The following PSEN1 variants were observed in gnomAD, a reference collection of about 807,000 sequenced individuals.
The protein encoded by PSEN1 is presenilin 1.
Under a neutral mutation model 53.5 loss-of-function variants are expected in PSEN1, and 15 were observed. The observed-to-expected ratio is 0.28, with a 90% CI of 0.19 to 0.43. The LOEUF (loss-of-function observed/expected upper bound fraction) is 0.43. PSEN1 is among the 20% of genes least tolerant of loss of function. The pLI is 1.00. For missense variants in PSEN1, 387 were observed against 571.2 expected, an observed-to-expected ratio of 0.68 and a Z score of 3.29; for synonymous variants, 208 against 209.8, an observed-to-expected ratio of 0.99 and a Z score of 0.08.
At chr14:73,206,269 C>G (rs1340161886) in intron 8 of PSEN1, 117 bp from the exon 9 acceptor site, 2 of 752,376 alleles carry the variant, frequency 2.7e-6, no homozygotes, top group Non-Finnish European at 4.8e-6. Context: ...GATTGTTGAA[C>G]AGTCTTAAGG....
chr14:73,196,861 A>G (rs1010850667), intron 7 of PSEN1, among the ~76,000 whole-genome samples: 10 of 149,788 alleles, frequency 6.7e-5, no homozygotes, highest in African/African-American at 2.0e-4. Flanking sequence ...GTTTAGCTAT[A>G]CCTGTTTTAT....
chr14:73,158,281 T>TA (rs1897421333), intron 3 of PSEN1, among the ~76,000 whole-genome samples: 2 of 141,834 alleles, frequency 1.4e-5, no homozygotes, highest in Non-Finnish European at 3.0e-5. Context: ...TTAACTTTTT[T>TA]TTCTATCTAT....
chr14:73,185,826 G>C (rs894328610), intron 5 of PSEN1, among the ~76,000 whole-genome samples: 5 of 152,094 alleles, frequency 3.3e-5, no homozygotes, highest in African/African-American at 7.2e-5. Context: ...TGGGATTACA[G>C]GCATGAGTCA....
At chr14:73,157,407 G>A (rs1387114272) in intron 3 of PSEN1, among the ~76,000 whole-genome samples, 1 of 152,002 alleles carries the variant, frequency 6.6e-6, no homozygotes, top group African/African-American at 2.4e-5. Context: ...CCAAAGTGCT[G>A]GGATTACAGG....
chr14:73,191,689 G>A (rs1296913957), intron 6 of PSEN1, among the ~76,000 whole-genome samples: 1 of 152,034 alleles, frequency 6.6e-6, no homozygotes, highest in Non-Finnish European at 1.5e-5. Context: ...TGGGACTGCA[G>A]GCATGTGCCA....
chr14:73,152,159 G>A (rs1180118444), intron 3 of PSEN1, among the ~76,000 whole-genome samples: 1 of 147,658 alleles, frequency 6.8e-6, no homozygotes, highest in African/African-American at 2.5e-5. Context: ...TGATTCGCCC[G>A]TCTCGGCCTC....
At position 73,206,277 on chromosome 14, in the gene PSEN1, A is replaced by C. The variant is rs1005266175; in HGVS notation, c.869-109A>C. 4 of 788,084 alleles carry C rather than the reference A, an allele frequency of 5.1e-6. 1 individual carries two copies. In the South Asian group the frequency reaches 5.6e-5, roughly 11 times the overall value. The allele number at this position is 788,084 out of a possible 1,614,324, so 48.8% of individuals were successfully genotyped here. A position where few individuals can be genotyped will look rare whatever the true frequency, so the allele number is the denominator to read the frequency against. ...TACTTCTGATTGTTGAACAGTCTTA[A>C]GGCAGCATTAGGAAGACTGGCGATT... On this transcript the variant is annotated intron_variant, in intron 8 of 11. Coordinates refer to ENST00000324501, the MANE Select transcript of PSEN1 (RefSeq NM_000021.4).
intron 9 of PSEN1, among the ~76,000 whole-genome samples, chr14:73,208,359 A>G (rs1012964412): frequency 2.0e-5 from 3 of 152,234 alleles, no homozygotes; most frequent in African/African-American, 7.2e-5. Context: ...ATTGAGCAAC[A>G]GTACAGCTCT....
chr14:73,202,417 A>ATTATATAT, intron 8 of PSEN1, among the ~76,000 whole-genome samples: 1 of 60,526 alleles, frequency 1.7e-5, no homozygotes, highest in African/African-American at 6.7e-5. Flanking sequence ...TCTATCACAT[A>ATTATATAT]CTATATATAT....
intron 1 of PSEN1, among the ~76,000 whole-genome samples, chr14:73,139,981 C>T (rs552985147): frequency 7.9e-5 from 12 of 152,164 alleles, no homozygotes; most frequent in African/African-American, 1.9e-4. Context: ...ATTAATTAGA[C>T]GTAAATAATC....
chr14:73,144,194 C>G (rs1279152473), intron 1 of PSEN1, among the ~76,000 whole-genome samples: 1 of 151,860 alleles, frequency 6.6e-6, no homozygotes, highest in African/African-American at 2.4e-5. Flanking sequence ...GTGCACGTCA[C>G]CATGCCTGGC....
chr14:73,204,436 T>A (rs1899365461), intron 8 of PSEN1, among the ~76,000 whole-genome samples: 1 of 151,852 alleles, frequency 6.6e-6, no homozygotes, highest in African/African-American at 2.4e-5. Flanking sequence ...TTTATGATAA[T>A]TAACATGGGG....
intron 7 of PSEN1, among the ~76,000 whole-genome samples, chr14:73,196,728 C>G (rs533543407): frequency 4.5e-4 from 68 of 151,730 alleles, no homozygotes; most frequent in Non-Finnish European, 5.6e-4. Flanking sequence ...GCTGCCTCAG[C>G]CTCCCCAAAG....
intron 10 of PSEN1, among the ~76,000 whole-genome samples, chr14:73,213,862 G>A (rs1036815648): frequency 2.0e-5 from 3 of 152,160 alleles, no homozygotes; most frequent in Non-Finnish European, 2.9e-5. Flanking sequence ...GTGAGGATGC[G>A]AAGAAACTGG....
intron 5 of PSEN1, among the ~76,000 whole-genome samples, chr14:73,181,500 T>C (rs1404375520): frequency 2.6e-5 from 4 of 152,194 alleles, no homozygotes; most frequent in African/African-American, 9.6e-5. Context: ...GGCACGGACC[T>C]GTAGACCCAG....
chr14:73,148,657 G>A lies in PSEN1; in HGVS notation c.87+551G>A, dbSNP rs550138815. 7.2e-5 allele frequency among the ~76,000 whole-genome samples: 11 copies of A among 152,324 alleles called. No individual in the cohort carries two copies. The East Asian group carries it at 9.7e-4, about 13-fold the overall frequency. ...ATCATAAAGTGAGAGCAGAGGCCAG[G>A]CACGGTGGCTCATGCCTGTAATCCC... On this transcript the variant is annotated intron_variant, in intron 3 of 11. Coordinates refer to ENST00000324501, the MANE Select transcript of PSEN1 (RefSeq NM_000021.4).
At chr14:73,137,288 A>G (rs1423144364) in intron 1 of PSEN1, 2 of 152,432 alleles carry the variant, frequency 1.3e-5, no homozygotes, top group Non-Finnish European at 2.9e-5. Context: ...CTAACGGGAC[A>G]TGGGAACCAA....
chr14:73,151,501 C>A (rs955039390), intron 3 of PSEN1, among the ~76,000 whole-genome samples: 1 of 152,174 alleles, frequency 6.6e-6, no homozygotes, highest in Non-Finnish European at 1.5e-5. Flanking sequence ...CATGGGTGAT[C>A]TTGGTGATTT....
intron 8 of PSEN1, among the ~76,000 whole-genome samples, chr14:73,200,640 A>G (rs1256816933): frequency 6.6e-6 from 1 of 152,192 alleles, no homozygotes; most frequent in Non-Finnish European, 1.5e-5. Flanking sequence ...TTTCACGGTA[A>G]CTATCATCTC....
Sources: allele counts gnomAD v4.1 joint callset (sites outside exome capture counted in the v4.1 genomes callset), GRCh38; gene constraint gnomAD v4.1.1; transcripts MANE v1.5; gene names NCBI Gene and HGNC (gene_info 2026-07-23, HGNC 2026-07-21).